ANKFN1: variants seen among roughly 807,000 people sequenced by gnomAD.
ANKFN1 encodes the protein ankyrin repeat and fibronectin type III domain containing 1.
ANKFN1 carries 74 observed loss-of-function variants against 108.7 expected under a neutral mutation model. The observed-to-expected ratio is 0.68, with a 90% CI of 0.56 to 0.83. The LOEUF is 0.83. ANKFN1 is among the 40% of genes least tolerant of loss of function. The probability of loss-of-function intolerance (pLI) is 0.00; values close to 1 mark genes in which losing one functional copy is unlikely to be tolerated. For synonymous variants in ANKFN1, 547 were observed against 516.2 expected, an observed-to-expected ratio of 1.06 and a Z score of -0.81; for missense variants, 1,505 against 1,382.3, an observed-to-expected ratio of 1.09 and a Z score of -1.41.
intron 4 of ANKFN1, among the ~76,000 whole-genome samples, chr17:56,113,431 T>A (rs1906087117): frequency 6.6e-6 from 1 of 152,154 alleles, no homozygotes; most frequent in South Asian, 2.1e-4. Flanking sequence ...ATGTTAAAAG[T>A]TAGCAAGATA....
intron 15 of ANKFN1, among the ~76,000 whole-genome samples, chr17:56,474,748 C>G (rs755273080): frequency 5.9e-5 from 9 of 152,078 alleles, no homozygotes; most frequent in Non-Finnish European, 1.3e-4. Flanking sequence ...ATTTCTCTTC[C>G]TTTGATTAGT....
intron 3 of ANKFN1, among the ~76,000 whole-genome samples, chr17:56,305,957 G>A (rs2044811116): frequency 6.6e-6 from 1 of 152,114 alleles, no homozygotes. Flanking sequence ...TCAGAACTCA[G>A]TTGGCTTATT....
chr17:56,167,655 A>G lies in ANKFN1; in HGVS notation c.-71+14125A>G, dbSNP rs554682543. Among the ~76,000 whole-genome samples, 87 of 152,268 alleles carry G rather than the reference A, an allele frequency of 5.7e-4. 3 individuals are homozygous for G. In the South Asian group the frequency reaches 0.017, roughly 31 times the overall value. ...TCCAAAATCTCAGTGGTTTAGCATG[A>G]CAAAAGTTTCCCACTCGTACTACAT... On this transcript the variant is annotated intron_variant, in intron 1 of 20. Transcript: ENST00000682825.
chr17:56,360,548 C>A (rs1294234896), intron 6 of ANKFN1, among the ~76,000 whole-genome samples: 1 of 152,138 alleles, frequency 6.6e-6, no homozygotes, highest in Non-Finnish European at 1.5e-5. Flanking sequence ...AGGACAGCAC[C>A]TCTCTCATTT....
At chr17:56,491,878 G>A in intron 18 of ANKFN1, among the ~76,000 whole-genome samples, 1 of 151,970 alleles carries the variant, frequency 6.6e-6, no homozygotes, top group African/African-American at 2.4e-5. Flanking sequence ...GTGTGTATAT[G>A]TGTGTGTGTA....
intron 1 of ANKFN1, among the ~76,000 whole-genome samples, chr17:56,196,556 A>T (rs60577431): frequency 0.024 from 3,584 of 152,178 alleles, 136 homozygotes; most frequent in African/African-American, 0.082. Context: ...AAACATAATG[A>T]GACCCCTGTC....
At chr17:56,481,910 T>C (rs1173273561) in intron 17 of ANKFN1, among the ~76,000 whole-genome samples, 1 of 152,152 alleles carries the variant, frequency 6.6e-6, no homozygotes, top group Non-Finnish European at 1.5e-5. Context: ...ATATACATGT[T>C]GGGAGAAGGC....
intron 19 of ANKFN1, 100 bp from the exon 20 acceptor site, chr17:56,498,782 C>G: frequency 1.1e-6 from 1 of 931,870 alleles, no homozygotes. Flanking sequence ...TGCTCAAAGC[C>G]AATATTGCGG....
At chr17:56,180,717 A>T (rs906765409) in intron 1 of ANKFN1, among the ~76,000 whole-genome samples, 1 of 152,214 alleles carries the variant, frequency 6.6e-6, no homozygotes, top group Non-Finnish European at 1.5e-5. Flanking sequence ...TATGTCTTCA[A>T]GTTAAAAGTC....
chr17:56,407,927 TTA>T lies in ANKFN1; in HGVS notation c.911-32398_911-32397del, dbSNP rs1224396061. On this transcript the variant is annotated intron_variant, in intron 8 of 20. Coordinates refer to ENST00000682825, the MANE Select transcript of ANKFN1 (RefSeq NM_001370326.1). ...AATAGCTAAATATTTAAAATCTTTTTTATCTTTTTTTTTTTTTTTTTTTTTTT... is the reference window on the plus strand; with the variant it reads ...AATAGCTAAATATTTAAAATCTTTTTTCTTTTTTTTTTTTTTTTTTTTTTT... Among the ~76,000 whole-genome samples, 3 of 142,370 alleles carry T rather than the reference TTA, an allele frequency of 2.1e-5. No homozygotes were observed. In the East Asian group the frequency reaches 6.3e-4, roughly 30 times the overall value. The allele number at this position is 142,370 out of a possible 152,430, so 93.4% of individuals were successfully genotyped here. A position where few individuals can be genotyped will look rare whatever the true frequency, so the allele number is the denominator to read the frequency against.
intron 8 of ANKFN1, among the ~76,000 whole-genome samples, chr17:56,384,008 G>A (rs989854319): frequency 3.9e-5 from 6 of 152,048 alleles, no homozygotes; most frequent in East Asian, 1.9e-4. Context: ...TACCAAAGCC[G>A]GGCAGAGACA....
intron 1 of ANKFN1, chr17:56,156,437 G>A (rs1479843423): frequency 6.6e-6 from 1 of 152,162 alleles, no homozygotes; most frequent in Non-Finnish European, 1.5e-5. Flanking sequence ...TCAATGAGTT[G>A]TGAAGATGAA....
intron 3 of ANKFN1, among the ~76,000 whole-genome samples, chr17:56,300,481 C>T (rs1022241454): frequency 6.6e-6 from 1 of 152,108 alleles, no homozygotes; most frequent in Non-Finnish European, 1.5e-5. Flanking sequence ...TTCCTTTACA[C>T]TTAACTCATA....
intron 2 of ANKFN1, among the ~76,000 whole-genome samples, chr17:56,219,933 G>A (rs560163090): frequency 3.3e-5 from 5 of 152,338 alleles, no homozygotes; most frequent in African/African-American, 1.2e-4. Flanking sequence ...ACCTTAAAAT[G>A]CAGTAACATT....
intron 3 of ANKFN1, among the ~76,000 whole-genome samples, chr17:56,297,066 C>CA (rs2044533499): frequency 6.6e-6 from 1 of 152,114 alleles, no homozygotes; most frequent in African/African-American, 2.4e-5. Flanking sequence ...CAGTGTGAGA[C>CA]AATGAATGAG....
chr17:56,074,061 A>C (rs1905151639), intron 4 of ANKFN1, among the ~76,000 whole-genome samples: 1 of 152,116 alleles, frequency 6.6e-6, no homozygotes, highest in South Asian at 2.1e-4. Flanking sequence ...TCCCTTTTTG[A>C]GGAACTGTCA....
intron 4 of ANKFN1, among the ~76,000 whole-genome samples, chr17:56,349,563 C>T (rs1210445069): frequency 2.6e-5 from 4 of 151,958 alleles, no homozygotes; most frequent in Non-Finnish European, 5.9e-5. Flanking sequence ...ATATAATAGA[C>T]TCTCATATGT....
At chr17:56,155,062 GT>G (rs1422605538) in intron 1 of ANKFN1, among the ~76,000 whole-genome samples, 1 of 152,184 alleles carries the variant, frequency 6.6e-6, no homozygotes, top group Non-Finnish European at 1.5e-5. Context: ...GGATAGGAGG[GT>G]TTGGGAGAGG....
intron 4 of ANKFN1, among the ~76,000 whole-genome samples, chr17:56,059,267 T>G (rs1416625604): frequency 9.2e-5 from 14 of 152,180 alleles, no homozygotes; most frequent in Admixed American, 9.2e-4. Flanking sequence ...CTTTGCCCAC[T>G]TTTTTTGAGG....
Sources: allele counts gnomAD v4.1 joint callset (sites outside exome capture counted in the v4.1 genomes callset), GRCh38; gene constraint gnomAD v4.1.1; transcripts MANE v1.5; gene names NCBI Gene and HGNC (gene_info 2026-07-23, HGNC 2026-07-21).